The following OTOGL variants were observed in gnomAD, a reference collection of about 807,000 sequenced individuals.
The protein encoded by OTOGL is otogelin-like protein.
A neutral mutation model predicts 318.5 loss-of-function variants in OTOGL; 285 were observed. The observed-to-expected ratio is 0.89, with a 90% CI of 0.81 to 0.99. The LOEUF (loss-of-function observed/expected upper bound fraction) is 0.99, where lower values mean the gene tolerates loss of function less well. OTOGL is among the 50% of genes least tolerant of loss of function. OTOGL has a pLI of 0.00. For synonymous variants in OTOGL, 987 were observed against 936.5 expected (o/e 1.05, Z -0.99); for missense variants, 2,899 against 2,845.6 (o/e 1.02, Z -0.43).
intron 1 of OTOGL, among the ~76,000 whole-genome samples, chr12:80,172,777 C>G (rs903634729): frequency 6.6e-6 from 1 of 152,014 alleles, no homozygotes. Context: ...TGGGTTCAAG[C>G]GATACTCCTG....
chr12:80,351,872 A>G (rs2137999228), intron 44 of OTOGL, among the ~76,000 whole-genome samples: 1 of 152,358 alleles, frequency 6.6e-6, no homozygotes, highest in East Asian at 1.9e-4. Flanking sequence ...TTGAATATTA[A>G]TAAAAGTTTT....
chr12:80,358,164 G>C, intron 49 of OTOGL, 84 bp from the exon 50 acceptor site: 1 of 872,298 alleles, frequency 1.1e-6, no homozygotes, highest in Admixed American at 2.4e-5. Flanking sequence ...AAATTGATTT[G>C]ATTTGTGTAT....
intron 4 of OTOGL, among the ~76,000 whole-genome samples, chr12:80,215,312 C>T (rs1407719451): frequency 6.6e-6 from 1 of 151,828 alleles, no homozygotes; most frequent in Non-Finnish European, 1.5e-5. Context: ...ATTATAGGCA[C>T]ATACCACAAA....
At chr12:80,166,697 A>G (rs1000964233) in intron 1 of OTOGL, among the ~76,000 whole-genome samples, 17 of 152,336 alleles carry the variant, frequency 1.1e-4, no homozygotes, top group African/African-American at 3.6e-4. Flanking sequence ...TCCAAATTCC[A>G]TATATCTCAC....
chr12:80,111,598 T>C (rs566561254), intron 1 of OTOGL, among the ~76,000 whole-genome samples: 3 of 152,176 alleles, frequency 2.0e-5, no homozygotes, highest in Non-Finnish European at 4.4e-5. Flanking sequence ...TTCTGTTCCA[T>C]TGGTCTATAT....
At chr12:80,150,386 AG>A (rs1367237141) in intron 1 of OTOGL, among the ~76,000 whole-genome samples, 1 of 152,252 alleles carries the variant, frequency 6.6e-6, no homozygotes, top group Non-Finnish European at 1.5e-5. Context: ...GCTGTTCAAA[AG>A]AAACTTCCAA....
chr12:80,102,183 C>A (rs1428747398), intron 1 of OTOGL, among the ~76,000 whole-genome samples: 13 of 152,140 alleles, frequency 8.5e-5, no homozygotes, highest in Admixed American at 8.5e-4. Context: ...TCCCTGGGAC[C>A]CTAAGTAAAC....
Position 80,109,962 on chromosome 12 carries a change from A to G in OTOGL, c.-20+10357A>G, listed in dbSNP as rs140054513. ...TTTAAATTATACCTTAAGTTCTGGG[A>G]TACATGTGCAGAACATGCAGGTTTG... On this transcript the variant is annotated intron_variant, in intron 1 of 58. Coordinates refer to ENST00000547103, the MANE Select transcript of OTOGL (RefSeq NM_001378609.3). Among the ~76,000 whole-genome samples, 103 of 152,156 alleles carry G rather than the reference A, an allele frequency of 6.8e-4. No homozygotes were observed. The East Asian group carries it at 0.015, about 22-fold the overall frequency.
At position 80,239,386 on chromosome 12, in the gene OTOGL, T is replaced by A; in HGVS notation, c.999T>A (p.His333Gln). The A allele has an allele frequency of 6.2e-7, 1 of 1,611,158 alleles. No individual in the cohort carries two copies. The highest frequency in any genetic ancestry group is 1.7e-4 in the Middle Eastern group (1 of 6,050). Reference sequence around the variant, plus strand: ...TGCAGTTTCCTTTTCTGAGCTGCCATGAGTATATCGATCCATACTTATATA... The same window carrying A: ...TGCAGTTTCCTTTTCTGAGCTGCCAAGAGTATATCGATCCATACTTATATA... ...ILLQFPFLSC[H>Q]EYIDPYLYIA... Residue 333 changes from histidine to glutamine, a missense_variant, in exon 11 of 59, where the codon CAT becomes CAA. This residue lies in a region of OTOGL where 2,607 missense variants were observed against 2,524.9 expected (regional missense o/e 1.03). Transcript: ENST00000547103.
intron 4 of OTOGL, among the ~76,000 whole-genome samples, chr12:80,212,358 G>A (rs1038447872): frequency 2.0e-5 from 3 of 152,128 alleles, no homozygotes; most frequent in Admixed American, 6.6e-5. Context: ...CATGGAAAAA[G>A]GGGCCGAAAA....
intron 35 of OTOGL, among the ~76,000 whole-genome samples, chr12:80,327,047 G>A (rs1442914226): frequency 6.6e-6 from 1 of 152,118 alleles, no homozygotes; most frequent in Non-Finnish European, 1.5e-5. Context: ...AGGCAGATGA[G>A]CAAGCCTTTT....
chr12:80,253,497 C>G lies in OTOGL; in HGVS notation c.1317C>G (p.Ser439=). The G allele has an allele frequency of 6.2e-7, 1 of 1,613,238 alleles. No individual in the cohort carries two copies. Among genetic ancestry groups the G allele is most frequent in the Non-Finnish European group, 8.5e-7 (1 of 1,179,380 alleles). The change falls in exon 14 of 59, where the codon TCC becomes TCG. Residue 439 remains serine (S), a synonymous_variant. Coordinates refer to ENST00000547103, the MANE Select transcript of OTOGL (RefSeq NM_001378609.3). ...GLVMDNGTCI[S]LENCPCGFHG... ...TAATGGACAATGGGACTTGCATCTC[C>G]TTGGAAAATTGCCCATGCGGTTTTC...
intron 26 of OTOGL, among the ~76,000 whole-genome samples, chr12:80,292,882 T>C (rs1237753407): frequency 6.6e-6 from 1 of 152,208 alleles, no homozygotes; most frequent in African/African-American, 2.4e-5. Context: ...TGGTGTAATT[T>C]TAACATACCA....
At chr12:80,254,295 G>A (rs1264421257) in intron 14 of OTOGL, among the ~76,000 whole-genome samples, 1 of 151,900 alleles carries the variant, frequency 6.6e-6, no homozygotes, top group Admixed American at 6.6e-5. Flanking sequence ...TAATTTAGGT[G>A]CCAGCCAGCT....
intron 56 of OTOGL, 117 bp from the exon 57 acceptor site, chr12:80,371,902 A>G (rs1592771865): frequency 5.6e-6 from 2 of 355,356 alleles, no homozygotes; most frequent in East Asian, 4.9e-5. Flanking sequence ...CTATTTTTCT[A>G]TGAAGGCTTT....
intron 1 of OTOGL, among the ~76,000 whole-genome samples, chr12:80,127,527 C>T (rs991307667): frequency 2.6e-5 from 4 of 152,118 alleles, no homozygotes; most frequent in Non-Finnish European, 4.4e-5. Flanking sequence ...CTTGGAGTTG[C>T]TCTTCTCGAG....
chr12:80,136,985 A>C (rs1258957157), intron 1 of OTOGL, among the ~76,000 whole-genome samples: 7 of 152,156 alleles, frequency 4.6e-5, no homozygotes, highest in Admixed American at 1.3e-4. Context: ...ATAGTGTTAA[A>C]TAAGTGTTTG....
At position 80,256,423 on chromosome 12, in the gene OTOGL, A is replaced by G. The variant is rs1218590138; in HGVS notation, c.1674A>G (p.Gln558=). ...AAGTGACCCTTGGTAGGGGAGGACA[A>G]ATTCTCACTAGTCCTAACCAAGGCT... ...NKQVTLGRGG[Q]ILTSPNQGFN... is the part of the protein sequence containing the mutation. Residue 558 remains glutamine, a synonymous_variant, in exon 17 of 59, where the codon CAA becomes CAG. Transcript: ENST00000547103. The G allele has an allele frequency of 2.5e-6, 4 of 1,588,954 alleles. No individual in the cohort carries two copies. Among genetic ancestry groups the G allele is most frequent in the African/African-American group, 1.3e-5 (1 of 74,732 alleles).
In OTOGL at chr12:80,200,556, G is replaced by A. The variant is rs76590543; in HGVS notation, c.-19-8857G>A. ...CCCTTGGCTTGTGAACTTGGGAGAT[G>A]TCATTTTACAAGCTCAAATATATTA... On this transcript the variant is annotated intron_variant, in intron 1 of 58. Transcript: ENST00000547103. Among the ~76,000 whole-genome samples the A allele has an allele frequency of 5.2e-3, 797 of 152,316 alleles. 8 individuals are homozygous for A. The highest frequency in any genetic ancestry group is 0.018 in the African/African-American group (755 of 41,576).
Sources: allele counts gnomAD v4.1 joint callset (sites outside exome capture counted in the v4.1 genomes callset), GRCh38; gene constraint gnomAD v4.1.1; regional missense constraint gnomAD v4.1.1; transcripts MANE v1.5; gene names NCBI Gene and HGNC (gene_info 2026-07-23, HGNC 2026-07-21).